HTR3B: variants seen among roughly 807,000 people sequenced by gnomAD.
HTR3B encodes the protein 5-hydroxytryptamine receptor 3B.
A neutral mutation model predicts 42.8 loss-of-function variants in HTR3B; 44 were observed. That is an observed-to-expected ratio of 1.03 (90% CI 0.81 to 1.32). The LOEUF is 1.32. Ranked by LOEUF, HTR3B falls within the 40% of genes most tolerant of loss-of-function variation. The pLI is 0.00. For missense variants in HTR3B, 527 were observed against 536.5 expected (o/e 0.98, Z 0.17); for synonymous variants, 203 against 209.0 (o/e 0.97, Z 0.25).
chr11:113,934,730 G>T (rs1950074192), intron 6 of HTR3B, among the ~76,000 whole-genome samples: 1 of 147,844 alleles, frequency 6.8e-6, no homozygotes, highest in African/African-American at 2.5e-5. Flanking sequence ...CACTTTTCTT[G>T]TAAGGAAAAG....
upstream of HTR3B, among the ~76,000 whole-genome samples, chr11:113,902,863 T>TTG (rs756975300): frequency 3.9e-5 from 6 of 151,988 alleles, no homozygotes; most frequent in Admixed American, 3.3e-4. Context: ...CTTGGCACTT[T>TTG]TGTGTGTGTG....
At chr11:113,924,211 TTTTC>T (rs1235802430) in intron 2 of HTR3B, among the ~76,000 whole-genome samples, 6 of 152,220 alleles carry the variant, frequency 3.9e-5, no homozygotes, top group Admixed American at 6.5e-5. Context: ...TTTGAACTTT[TTTTC>T]TTTCTATTTG....
intron 1 of HTR3B, among the ~76,000 whole-genome samples, chr11:113,905,387 C>T (rs956569142): frequency 6.6e-6 from 1 of 152,092 alleles, no homozygotes; most frequent in African/African-American, 2.4e-5. Flanking sequence ...TCATTATCAG[C>T]TGTTAGCAGC....
chr11:113,935,057 C>A (rs890368735), intron 6 of HTR3B, among the ~76,000 whole-genome samples: 1 of 152,178 alleles, frequency 6.6e-6, no homozygotes, highest in Non-Finnish European at 1.5e-5. Context: ...CACACACACA[C>A]ACACACTCTC....
chr11:113,926,716 C>A (rs144232172), intron 2 of HTR3B, among the ~76,000 whole-genome samples: 4,169 of 151,980 alleles, frequency 0.027, 94 homozygotes, highest in Non-Finnish European at 0.04. Flanking sequence ...TTAGTAGAGA[C>A]AAGGGTTTCA....
At chr11:113,922,757 A>G (rs1949929209) in intron 2 of HTR3B, among the ~76,000 whole-genome samples, 2 of 151,504 alleles carry the variant, frequency 1.3e-5, no homozygotes, top group South Asian at 2.1e-4. Context: ...GGGTTTCACC[A>G]TGTTAGCCGG....
At chr11:113,907,062 G>A (rs1949739456) in intron 1 of HTR3B, among the ~76,000 whole-genome samples, 1 of 152,164 alleles carries the variant, frequency 6.6e-6, no homozygotes, top group Non-Finnish European at 1.5e-5. Flanking sequence ...GCATGGGAGA[G>A]TAAGTCATTA....
rs186126808 is a variant in HTR3B, at chr11:113,913,016, T to C, written c.213+3561T>C. Among the ~76,000 whole-genome samples, 262 of 149,046 alleles carry C rather than the reference T, an allele frequency of 1.8e-3. 1 individual carries two copies. Among genetic ancestry groups the C allele is most frequent in the African/African-American group, 5.9e-3 (243 of 41,058 alleles). On this transcript the variant is annotated intron_variant, in intron 2 of 8. Coordinates refer to ENST00000260191, the MANE Select transcript of HTR3B (RefSeq NM_006028.5). ...TATTTAAATCATTATTATAATATAA[T>C]AACATATAATATAGTAATTACATAA... is the stretch of plus-strand genomic sequence containing the variant.
intron 3 of HTR3B, 95 bp downstream of exon 3, chr11:113,931,523 T>G: frequency 3.7e-6 from 3 of 812,292 alleles, no homozygotes; most frequent in Non-Finnish European, 6.0e-6. Flanking sequence ...ATCTTTGTAT[T>G]TATAGTTTCT....
At chr11:113,908,946 G>A (rs1949755680) in intron 1 of HTR3B, 1 of 348,526 alleles carries the variant, frequency 2.9e-6, no homozygotes. Flanking sequence ...AAGTGTGTAG[G>A]TGGGTTTTTT....
At chr11:113,910,263 C>T (rs1949777457) in intron 2 of HTR3B, among the ~76,000 whole-genome samples, 1 of 152,026 alleles carries the variant, frequency 6.6e-6, no homozygotes. Context: ...CCTTTTTCTC[C>T]TATGTCTGAA....
chr11:113,932,695 C>T (rs1020530050), intron 5 of HTR3B, among the ~76,000 whole-genome samples: 3 of 152,110 alleles, frequency 2.0e-5, no homozygotes, highest in African/African-American at 4.8e-5. Flanking sequence ...TTATAGAAAT[C>T]GCAGGCAAGC....
rs73556648 is a variant in HTR3B, at chr11:113,946,222, C to A, written c.*85C>A. 2.8e-6 allele frequency: 3 copies of A among 1,080,432 alleles called. No individual in the cohort carries two copies. Among genetic ancestry groups the A allele is most frequent in the African/African-American group, 1.5e-5 (1 of 64,668 alleles). The allele number at this position is 1,080,432 out of a possible 1,614,324, so 66.9% of individuals were successfully genotyped here. On this transcript the variant is annotated 3_prime_UTR_variant, in exon 9 of 9. Coordinates refer to ENST00000260191, the MANE Select transcript of HTR3B (RefSeq NM_006028.5). ...TAGTGGGTTAAAAAGCTTTCTGGGT[C>A]GGGTGTGGTGGTTCTTGCCTATAGT... is the stretch of plus-strand genomic sequence containing the variant.
chr11:113,901,632 A>G (rs894469149), upstream of HTR3B, among the ~76,000 whole-genome samples: 5 of 152,196 alleles, frequency 3.3e-5, no homozygotes, highest in Admixed American at 6.5e-5. Context: ...ATCTTGACAG[A>G]ATTCATCAGC....
chr11:113,931,624 G>A (rs1950035447), intron 3 of HTR3B, 134 bp from the exon 4 acceptor site: 3 of 676,986 alleles, frequency 4.4e-6, no homozygotes, highest in African/African-American at 3.6e-5. Context: ...GATTCAGATG[G>A]GAAGTCCTTT....
chr11:113,931,070 C>T (rs368219000), intron 2 of HTR3B, among the ~76,000 whole-genome samples: 5 of 152,112 alleles, frequency 3.3e-5, no homozygotes, highest in South Asian at 2.1e-4. Flanking sequence ...ACTAAGACAA[C>T]GTAACATTTT....
At chr11:113,927,755 G>A (rs1241792372) in intron 2 of HTR3B, among the ~76,000 whole-genome samples, 1 of 151,974 alleles carries the variant, frequency 6.6e-6, no homozygotes, top group Non-Finnish European at 1.5e-5. Context: ...TGGAGACGGG[G>A]TTTCATGGGC....
chr11:113,938,035 G>A (rs12278709), intron 6 of HTR3B, among the ~76,000 whole-genome samples: 84,843 of 151,822 alleles, frequency 0.56, 23,963 homozygotes, highest in East Asian at 0.7. Flanking sequence ...CGTTGCTCCC[G>A]TCTCTGCCTC....
upstream of HTR3B, among the ~76,000 whole-genome samples, chr11:113,903,972 T>C (rs578173363): frequency 1.3e-5 from 2 of 152,328 alleles, no homozygotes; most frequent in South Asian, 4.1e-4. Context: ...ATCAAATATA[T>C]ACTTTCCCCC....
Sources: gnomAD v4.1 joint callset for allele counts (sites outside exome capture counted in the v4.1 genomes callset) on GRCh38, gnomAD v4.1.1 for gene constraint, MANE v1.5 for transcripts, NCBI Gene and HGNC (gene_info 2026-07-23, HGNC 2026-07-21) for gene names.